GALNTL6: variants seen among roughly 807,000 people sequenced by gnomAD.
GALNTL6 encodes polypeptide N-acetylgalactosaminyltransferase-like 6.
A neutral mutation model predicts 73.7 loss-of-function variants in GALNTL6; 46 were observed. That is an observed-to-expected ratio of 0.62 (90% CI 0.49 to 0.80). The LOEUF is 0.80. Among genes scored for constraint, GALNTL6 ranks in the 30% least tolerant of loss-of-function variants. The probability of loss-of-function intolerance (pLI) is 0.00; values close to 1 mark genes in which losing one functional copy is unlikely to be tolerated. For synonymous variants in GALNTL6, 259 were observed against 263.7 expected, an observed-to-expected ratio of 0.98 and a Z score of 0.17; for missense variants, 604 against 755.0, an observed-to-expected ratio of 0.80 and a Z score of 2.34.
At chr4:171,902,076 G>T (rs1737117417) in intron 2 of GALNTL6, among the ~76,000 whole-genome samples, 1 of 152,126 alleles carries the variant, frequency 6.6e-6, no homozygotes, top group African/African-American at 2.4e-5. Flanking sequence ...ATTTAAGTTT[G>T]TGAACTTCAA....
intron 5 of GALNTL6, among the ~76,000 whole-genome samples, chr4:172,487,427 C>T (rs996226457): frequency 1.3e-5 from 2 of 149,010 alleles, no homozygotes; most frequent in Non-Finnish European, 3.0e-5. Context: ...ACTCTGTCGC[C>T]CAGGCTGGAG....
intron 7 of GALNTL6, among the ~76,000 whole-genome samples, chr4:172,827,831 ATACT>A (rs1742348479): frequency 6.6e-6 from 1 of 152,112 alleles, no homozygotes; most frequent in African/African-American, 2.4e-5. Flanking sequence ...TTTATCAATA[ATACT>A]TTCTTTCAAA....
Position 172,271,695 on chromosome 4 carries a change from G to T in GALNTL6, c.248-39919G>T, listed in dbSNP as rs1738660001. The stretch of plus-strand genomic sequence containing the variant: ...TTAAATATACATTATGCATACACAT[G>T]AAATACAAATGTGTAATTATATAAA... On this transcript the variant is annotated intron_variant, in intron 3 of 12. Transcript: ENST00000506823. Among the ~76,000 whole-genome samples the T allele has an allele frequency of 1.3e-5, 2 of 151,712 alleles. 1 individual carries two copies. Among genetic ancestry groups the T allele is most frequent in the South Asian group, 4.2e-4 (2 of 4,816 alleles).
intron 3 of GALNTL6, among the ~76,000 whole-genome samples, chr4:172,303,278 G>A (rs554814646): frequency 2.6e-5 from 4 of 152,258 alleles, no homozygotes; most frequent in South Asian, 2.1e-4. Flanking sequence ...GATTACAGAC[G>A]TGAGCCACAG....
chr4:172,751,457 A>G (rs1258745755), intron 5 of GALNTL6, among the ~76,000 whole-genome samples: 1 of 152,196 alleles, frequency 6.6e-6, no homozygotes, highest in Non-Finnish European at 1.5e-5. Flanking sequence ...CTATTTCACT[A>G]ATCTTTCTCT....
At chr4:172,874,386 A>G (rs1355418189) in intron 7 of GALNTL6, among the ~76,000 whole-genome samples, 3 of 152,318 alleles carry the variant, frequency 2.0e-5, no homozygotes, top group Middle Eastern at 3.4e-3. Context: ...AGTAGTGTGC[A>G]CTCATCAACA....
chr4:172,060,583 G>GA (rs553398316), intron 2 of GALNTL6, among the ~76,000 whole-genome samples: 42 of 145,374 alleles, frequency 2.9e-4, no homozygotes, highest in Middle Eastern at 7.1e-3. Context: ...AAAATATTTT[G>GA]AAAAAAAAAC....
At position 172,506,295 on chromosome 4, in the gene GALNTL6, C is replaced by T. The variant is rs115835093; in HGVS notation, c.553+157606C>T. On this transcript the variant is annotated intron_variant, in intron 5 of 12. Transcript: ENST00000506823. Reference sequence around the variant, plus strand: ...ATCCTGATGATTCCATCCTCCTCACCTCAACCAAGCAATGACCTCAACTTT... The same window carrying T: ...ATCCTGATGATTCCATCCTCCTCACTTCAACCAAGCAATGACCTCAACTTT... Among the ~76,000 whole-genome samples, 332 of 53,882 alleles carry T rather than the reference C, an allele frequency of 6.2e-3. 128 individuals carry two copies. The highest frequency in any genetic ancestry group is 0.014 in the African/African-American group (298 of 21,448). 35.3% of individuals were successfully genotyped at this position (53,882 alleles called of 152,430 possible).
intron 2 of GALNTL6, among the ~76,000 whole-genome samples, chr4:171,911,227 C>T (rs1294039337): frequency 2.0e-5 from 3 of 152,088 alleles, no homozygotes; most frequent in Non-Finnish European, 4.4e-5. Context: ...TGGCACGATC[C>T]GGGCCCACTG....
At chr4:172,223,834 A>G (rs570810867) in intron 2 of GALNTL6, among the ~76,000 whole-genome samples, 15 of 152,288 alleles carry the variant, frequency 9.8e-5, no homozygotes, top group Non-Finnish European at 1.8e-4. Flanking sequence ...ATAAAATTAC[A>G]TAAGAATACA....
At chr4:172,786,939 T>C (rs1257340546) in intron 5 of GALNTL6, among the ~76,000 whole-genome samples, 1 of 152,194 alleles carries the variant, frequency 6.6e-6, no homozygotes, top group Non-Finnish European at 1.5e-5. Flanking sequence ...GTTTGAATTG[T>C]TCCCCTGAAA....
intron 8 of GALNTL6, among the ~76,000 whole-genome samples, chr4:172,904,946 T>C (rs898684437): frequency 1.3e-5 from 2 of 152,156 alleles, no homozygotes; most frequent in South Asian, 2.1e-4. Context: ...GATTGAAATA[T>C]GTCTGAGATT....
chr4:172,651,458 AG>A (rs1312760388), intron 5 of GALNTL6, among the ~76,000 whole-genome samples: 1 of 152,222 alleles, frequency 6.6e-6, no homozygotes, highest in Non-Finnish European at 1.5e-5. Flanking sequence ...TTCAATCCCG[AG>A]TGCAGACAAC....
chr4:172,883,498 C>A (rs115637435), intron 8 of GALNTL6, among the ~76,000 whole-genome samples: 2 of 152,098 alleles, frequency 1.3e-5, no homozygotes, highest in African/African-American at 4.8e-5. Context: ...AAGCAAGAGA[C>A]GCAGGGGTGA....
intron 5 of GALNTL6, among the ~76,000 whole-genome samples, chr4:172,706,984 G>A (rs74934140): frequency 0.038 from 5,805 of 152,170 alleles, 307 homozygotes; most frequent in Admixed American, 0.11. Context: ...ATGGGTTGGG[G>A]CAGGAATGGT....
At chr4:172,933,651 A>G (rs1748467604) in intron 9 of GALNTL6, among the ~76,000 whole-genome samples, 1 of 152,136 alleles carries the variant, frequency 6.6e-6, no homozygotes, top group Non-Finnish European at 1.5e-5. Flanking sequence ...TTTTAAGTTA[A>G]AAAAAGTACA....
chr4:171,987,237 A>G (rs1057450487), intron 2 of GALNTL6, among the ~76,000 whole-genome samples: 4 of 152,300 alleles, frequency 2.6e-5, no homozygotes, highest in African/African-American at 7.2e-5. Context: ...GTGTGTTTTT[A>G]AAAGACCTTT....
chr4:172,982,430 A>G (rs1262946047), intron 10 of GALNTL6, among the ~76,000 whole-genome samples: 2 of 152,248 alleles, frequency 1.3e-5, no homozygotes, highest in African/African-American at 4.8e-5. Flanking sequence ...TGTGTGAGTC[A>G]GCTTCACATT....
intron 3 of GALNTL6, among the ~76,000 whole-genome samples, chr4:172,305,115 C>A (rs1227138938): frequency 6.6e-6 from 1 of 151,878 alleles, no homozygotes; most frequent in Non-Finnish European, 1.5e-5. Flanking sequence ...GTTTCCCTAC[C>A]CAGTGGTGCA....
Sources: allele counts gnomAD v4.1 joint callset (sites outside exome capture counted in the v4.1 genomes callset), GRCh38; gene constraint gnomAD v4.1.1; transcripts MANE v1.5; gene names NCBI Gene and HGNC (gene_info 2026-07-23, HGNC 2026-07-21).